TENM4: variants seen among roughly 807,000 people sequenced by gnomAD.
TENM4 encodes teneurin-4.
Under a neutral mutation model 243.3 loss-of-function variants are expected in TENM4, and 82 were observed. That is an observed-to-expected ratio of 0.34 (90% CI 0.28 to 0.40). The LOEUF (loss-of-function observed/expected upper bound fraction) is 0.40, where lower values mean the gene tolerates loss of function less well. Ranked by LOEUF, TENM4 falls within the 10% of genes least tolerant of loss-of-function variation. The probability of loss-of-function intolerance (pLI) is 1.00; values close to 1 mark genes in which losing one functional copy is unlikely to be tolerated. For missense variants in TENM4, 3,138 were observed against 3,673.3 expected (o/e 0.85, Z 3.77); for synonymous variants, 1,412 against 1,456.3 (o/e 0.97, Z 0.69).
intron 1 of TENM4, among the ~76,000 whole-genome samples, chr11:79,376,286 G>T (rs1857889851): frequency 6.6e-6 from 1 of 152,216 alleles, no homozygotes; most frequent in African/African-American, 2.4e-5. Context: ...CTCAAAACAA[G>T]ATCAAATACC....
At chr11:79,003,845 C>T (rs1030736777) in intron 6 of TENM4, among the ~76,000 whole-genome samples, 10 of 151,874 alleles carry the variant, frequency 6.6e-5, no homozygotes, top group South Asian at 2.1e-4. Context: ...CATATCAACT[C>T]GGATAAAGAA....
rs1249072084 is a variant in TENM4, at chr11:78,854,256, A to G, written c.1529T>C (p.Leu510Pro). 1.2e-5 allele frequency: 18 copies of G among 1,547,312 alleles called. No homozygotes were observed. The highest frequency in any genetic ancestry group is 1.5e-5 in the Non-Finnish European group (17 of 1,144,444). The change falls in exon 12 of 34, where the codon CTA becomes CCA. Residue 510 changes from leucine (L) to proline (P), a missense_variant. This residue lies in a region of TENM4 where 2,467 missense variants were observed against 3,059.1 expected (regional missense o/e 0.81). Coordinates refer to ENST00000278550, the MANE Select transcript of TENM4 (RefSeq NM_001098816.3). ...CCGAGACTGGCGCGGGGTCCCCTCT[A>G]GGCTCCGCGCCTCCTGGGTTAGGAG... is the stretch of plus-strand genomic sequence containing the variant. ...RRLLTQEARS[L>P]EGTPRQSRGT...
At chr11:79,164,454 A>G (rs1206284011) in intron 3 of TENM4, among the ~76,000 whole-genome samples, 1 of 134,280 alleles carries the variant, frequency 7.4e-6, no homozygotes, top group Non-Finnish European at 1.5e-5. Context: ...TATAGTATAT[A>G]TAGTATATAT....
rs1445748913 is a variant in TENM4 at position 79,328,007 on chromosome 11, A to G, written c.-320-30464T>C. ...GCCACCTTAAGGGACCCAAGGGTAC[A>G]TAAGCATGGGGAGATTATTTGAAAA... On this transcript the variant is annotated intron_variant, in intron 1 of 33. Coordinates refer to ENST00000278550, the MANE Select transcript of TENM4 (RefSeq NM_001098816.3). Among the ~76,000 whole-genome samples the G allele has an allele frequency of 2.0e-5, 3 of 152,366 alleles. No homozygotes were observed. In the East Asian group the frequency reaches 5.8e-4, roughly 29 times the overall value.
intron 27 of TENM4, among the ~76,000 whole-genome samples, chr11:78,702,623 C>T (rs527859085): frequency 6.6e-6 from 1 of 152,234 alleles, no homozygotes; most frequent in Admixed American, 6.5e-5. Flanking sequence ...ATTAGACTGA[C>T]AAAACATGAA....
At chr11:79,392,267 C>A (rs1858250564) in intron 1 of TENM4, among the ~76,000 whole-genome samples, 1 of 152,192 alleles carries the variant, frequency 6.6e-6, no homozygotes. Context: ...TGGGCAGAAA[C>A]AGAAGACATG....
intron 6 of TENM4, among the ~76,000 whole-genome samples, chr11:78,921,738 C>G (rs1565126913): frequency 6.6e-6 from 1 of 152,198 alleles, no homozygotes; most frequent in Non-Finnish European, 1.5e-5. Flanking sequence ...GGGCTCATCA[C>G]TAGACTGAAA....
chr11:79,367,228 A>AC (rs1279149888), intron 1 of TENM4, among the ~76,000 whole-genome samples: 1 of 152,226 alleles, frequency 6.6e-6, no homozygotes, highest in East Asian at 1.9e-4. Context: ...CTATGGGTGA[A>AC]CACCTACAAA....
rs147609825 is a variant in TENM4 at position 79,405,040 on chromosome 11, G to T, written c.-321+35469C>A. On this transcript the variant is annotated intron_variant, in intron 1 of 33. Transcript: ENST00000278550. ...GACTTATGTCACTCTGCATGCCTGC[G>T]TGTGTTTATGCAACAGGCAGAGGGG... 7.0e-3 allele frequency among the ~76,000 whole-genome samples: 1,060 copies of T among 152,270 alleles called. 4 individuals carry two copies. The highest frequency in any genetic ancestry group is 0.011 in the Non-Finnish European group (731 of 68,028).
chr11:78,780,966 C>T (rs905931351), intron 16 of TENM4, among the ~76,000 whole-genome samples: 7 of 152,122 alleles, frequency 4.6e-5, no homozygotes, highest in Admixed American at 2.6e-4. Flanking sequence ...AAAGAGCCCC[C>T]GAGCCACACT....
At chr11:78,666,604 T>C (rs150374351) in intron 32 of TENM4, among the ~76,000 whole-genome samples, 167 of 152,356 alleles carry the variant, frequency 1.1e-3, no homozygotes, top group South Asian at 4.6e-3. Flanking sequence ...TGATGGTTGG[T>C]TGCTTTGTTA....
chr11:78,856,201 A>C, intron 10 of TENM4, 23 bp from the exon 11 acceptor site: 1 of 1,546,948 alleles, frequency 6.5e-7, no homozygotes. Context: ...AGGGAAGGGA[A>C]GACAAAGACA....
chr11:79,192,573 G>C (rs1863538733), intron 3 of TENM4, among the ~76,000 whole-genome samples: 1 of 151,802 alleles, frequency 6.6e-6, no homozygotes, highest in African/African-American at 2.4e-5. Flanking sequence ...AAGGCAGCAT[G>C]CTCGTTTAAG....
chr11:78,769,543 G>C (rs187391449), intron 18 of TENM4, among the ~76,000 whole-genome samples: 1 of 152,148 alleles, frequency 6.6e-6, no homozygotes, highest in Admixed American at 6.5e-5. Flanking sequence ...TCTATGCCTG[G>C]TATAGGGCCC....
chr11:78,970,954 T>C (rs1388108865), intron 6 of TENM4, among the ~76,000 whole-genome samples: 1 of 152,148 alleles, frequency 6.6e-6, no homozygotes, highest in Non-Finnish European at 1.5e-5. Flanking sequence ...TAATATGCTT[T>C]TATATCTTCA....
chr11:78,736,479 T>TGCGCGC (rs1555073147), intron 20 of TENM4, among the ~76,000 whole-genome samples: 38 of 99,400 alleles, frequency 3.8e-4, no homozygotes, highest in African/African-American at 1.1e-3. Context: ...TGTGTGTGTG[T>TGCGCGC]GCGCGCGCGT....
chr11:79,323,882 T>TAC (rs35628974), intron 1 of TENM4, among the ~76,000 whole-genome samples: 51,643 of 149,874 alleles, frequency 0.34, 9,168 homozygotes, highest in South Asian at 0.52. Context: ...TCCATCCCTA[T>TAC]ACACACACAC....
intron 6 of TENM4, among the ~76,000 whole-genome samples, chr11:78,914,087 C>T (rs887339767): frequency 2.6e-5 from 4 of 152,208 alleles, no homozygotes; most frequent in Non-Finnish European, 5.9e-5. Flanking sequence ...CACCCAATCA[C>T]ACGGTGTATT....
At chr11:79,318,326 C>A (rs1362581758) in intron 1 of TENM4, among the ~76,000 whole-genome samples, 5 of 152,150 alleles carry the variant, frequency 3.3e-5, no homozygotes, top group African/African-American at 9.7e-5. Context: ...AGAATTCAAG[C>A]TAGGAAGAGA....
Sources: allele counts gnomAD v4.1 joint callset (sites outside exome capture counted in the v4.1 genomes callset), GRCh38; gene constraint gnomAD v4.1.1; regional missense constraint gnomAD v4.1.1; transcripts MANE v1.5; gene names NCBI Gene and HGNC (gene_info 2026-07-23, HGNC 2026-07-21).